Variants in STK32B observed in about 807,000 individuals in gnomAD.
The protein encoded by STK32B is serine/threonine-protein kinase 32B.
A neutral mutation model predicts 52.6 loss-of-function variants in STK32B; 43 were observed. The observed-to-expected ratio is 0.82, with a 90% CI of 0.64 to 1.05. STK32B has a LOEUF of 1.05. Ranked by LOEUF, STK32B falls within the 50% of genes least tolerant of loss-of-function variation. The pLI is 0.00. For synonymous variants in STK32B, 238 were observed against 204.3 expected (o/e 1.17, Z -1.41); for missense variants, 621 against 534.6 (o/e 1.16, Z -1.59).
intron 1 of STK32B, among the ~76,000 whole-genome samples, chr4:5,060,068 G>A (rs946130129): frequency 6.6e-6 from 1 of 152,172 alleles, no homozygotes; most frequent in Non-Finnish European, 1.5e-5. Context: ...CCGGGTTCAA[G>A]TGATTCTCCT....
chr4:5,110,487 G>T (rs1714343424), intron 1 of STK32B, among the ~76,000 whole-genome samples: 1 of 151,544 alleles, frequency 6.6e-6, no homozygotes, highest in African/African-American at 2.4e-5. Context: ...GGGCAAAGTT[G>T]ACAAAAATAA....
chr4:5,317,472 T>TATATATATTACATATATATA (rs1235546594), intron 3 of STK32B, among the ~76,000 whole-genome samples: 3 of 104,014 alleles, frequency 2.9e-5, no homozygotes, highest in Non-Finnish European at 5.0e-5. Flanking sequence ...ATATGTATAA[T>TATATATATTACATATATATA]ATATATATTA....
Position 5,163,108 on chromosome 4 carries a change from G to T in STK32B, c.109-5191G>T, listed in dbSNP as rs184384538. Among the ~76,000 whole-genome samples the T allele has an allele frequency of 1.1e-3, 171 of 152,346 alleles. 1 individual carries two copies. The highest frequency in any genetic ancestry group is 2.1e-3 in the Non-Finnish European group (141 of 68,034). Reference sequence around the variant, plus strand: ...GATTCAGACTTGGAGGTCAGGGCCAGGGAAGCATTGAGGTCAGGCAGTAGC... The same window carrying T: ...GATTCAGACTTGGAGGTCAGGGCCATGGAAGCATTGAGGTCAGGCAGTAGC... On this transcript the variant is annotated intron_variant, in intron 2 of 11. Coordinates refer to ENST00000282908, the MANE Select transcript of STK32B (RefSeq NM_018401.3).
At chr4:5,311,180 TAAC>T (rs1330267958) in intron 3 of STK32B, among the ~76,000 whole-genome samples, 1 of 152,190 alleles carries the variant, frequency 6.6e-6, no homozygotes, top group Non-Finnish European at 1.5e-5. Context: ...TTACTTTAGT[TAAC>T]AACAATTTAT....
chr4:5,118,950 C>T (rs1577079827), intron 1 of STK32B, among the ~76,000 whole-genome samples: 1 of 152,198 alleles, frequency 6.6e-6, no homozygotes, highest in African/African-American at 2.4e-5. Flanking sequence ...CCCTTCTTTC[C>T]TTATCACCCC....
At chr4:5,162,804 C>G (rs1718546468) in intron 2 of STK32B, among the ~76,000 whole-genome samples, 1 of 152,166 alleles carries the variant, frequency 6.6e-6, no homozygotes, top group South Asian at 2.1e-4. Flanking sequence ...CCTAGCTCTT[C>G]TATTTTGAAG....
intron 3 of STK32B, among the ~76,000 whole-genome samples, chr4:5,246,151 A>C (rs1424839613): frequency 6.6e-6 from 1 of 152,174 alleles, no homozygotes; most frequent in African/African-American, 2.4e-5. Flanking sequence ...TCTCTTGGAT[A>C]ATATCCTGCA....
chr4:5,329,682 C>G (rs1455527711), intron 3 of STK32B, among the ~76,000 whole-genome samples: 1 of 152,194 alleles, frequency 6.6e-6, no homozygotes, highest in East Asian at 1.9e-4. Flanking sequence ...AGCACGTAGC[C>G]CAATGCCTAT....
chr4:5,027,574 C>A, the STK32B span, among the ~76,000 whole-genome samples: 1 of 152,186 alleles, frequency 6.6e-6, no homozygotes, highest in Non-Finnish European at 1.5e-5. Context: ...GGGTTTATAC[C>A]ACTTATTGCA....
chr4:5,494,808 A>G (rs1207918785), intron 11 of STK32B, among the ~76,000 whole-genome samples: 1 of 152,096 alleles, frequency 6.6e-6, no homozygotes, highest in African/African-American at 2.4e-5. Flanking sequence ...TTGTCTGTAA[A>G]GTATTTTATT....
intron 6 of STK32B, among the ~76,000 whole-genome samples, chr4:5,428,526 ACTT>A (rs886121445): frequency 1.3e-5 from 2 of 152,196 alleles, no homozygotes; most frequent in African/African-American, 2.4e-5. Context: ...ATTTTGTATG[ACTT>A]CTTTTCTAAA....
At chr4:5,496,642 G>A (rs954989129) in intron 11 of STK32B, among the ~76,000 whole-genome samples, 11 of 152,042 alleles carry the variant, frequency 7.2e-5, no homozygotes, top group Non-Finnish European at 1.5e-4. Flanking sequence ...CATCTTCTGC[G>A]TCGCTCACAC....
At chr4:5,173,177 T>C (rs1719535118) in intron 3 of STK32B, among the ~76,000 whole-genome samples, 3 of 152,220 alleles carry the variant, frequency 2.0e-5, no homozygotes, top group Non-Finnish European at 4.4e-5. Context: ...ATTTTTATTG[T>C]GTCTATTGGA....
chr4:5,092,473 A>G (rs1052692916), intron 1 of STK32B, among the ~76,000 whole-genome samples: 4 of 151,248 alleles, frequency 2.6e-5, no homozygotes, highest in African/African-American at 9.7e-5. Context: ...CGGAGCTTGC[A>G]GTGAGCCTCT....
intron 4 of STK32B, among the ~76,000 whole-genome samples, chr4:5,340,753 A>G (rs1733020048): frequency 6.6e-6 from 1 of 152,242 alleles, no homozygotes; most frequent in African/African-American, 2.4e-5. Context: ...TAAACTATAT[A>G]CATATACATA....
intron 2 of STK32B, among the ~76,000 whole-genome samples, chr4:5,158,000 T>C (rs1182340181): frequency 6.6e-6 from 1 of 152,078 alleles, no homozygotes; most frequent in African/African-American, 2.4e-5. Context: ...ATGAATTAGG[T>C]TGTGTTTGGC....
At chr4:5,478,261 CAG>C (rs1198432408) in intron 11 of STK32B, among the ~76,000 whole-genome samples, 7 of 152,186 alleles carry the variant, frequency 4.6e-5, no homozygotes, top group South Asian at 2.1e-4. Flanking sequence ...CCCCATGACT[CAG>C]AAACCAGAGA....
chr4:5,312,404 A>G (rs948616360), intron 3 of STK32B, among the ~76,000 whole-genome samples: 37 of 151,584 alleles, frequency 2.4e-4, no homozygotes, highest in African/African-American at 7.8e-4. Flanking sequence ...GTCATTTAGC[A>G]TTAGGTATAT....
intron 3 of STK32B, among the ~76,000 whole-genome samples, chr4:5,190,715 G>T (rs1441603420): frequency 6.6e-6 from 1 of 152,154 alleles, no homozygotes; most frequent in Non-Finnish European, 1.5e-5. Context: ...CACAGGAAAC[G>T]CTGAGACTGT....
Sources: gnomAD v4.1 joint callset for allele counts (sites outside exome capture counted in the v4.1 genomes callset) on GRCh38, gnomAD v4.1.1 for gene constraint, MANE v1.5 for transcripts, NCBI Gene and HGNC (gene_info 2026-07-23, HGNC 2026-07-21) for gene names.